Variants in CFAP90 observed in about 807,000 individuals in gnomAD.
CFAP90 encodes the protein cilia- and flagella-associated protein 90.
the CFAP90 span, among the ~76,000 whole-genome samples, chr5:7,833,751 G>C: frequency 3.3e-5 from 5 of 152,198 alleles, no homozygotes; most frequent in Admixed American, 2.6e-4. Flanking sequence ...CGGTAGTCCC[G>C]TAAGGTTATA....
At chr5:7,840,232 G>T in the CFAP90 span, among the ~76,000 whole-genome samples, 1 of 152,270 alleles carries the variant, frequency 6.6e-6, no homozygotes, top group East Asian at 1.9e-4. Flanking sequence ...CCTGGTCATG[G>T]TGCTTGATCA....
chr5:7,831,693 C>G, the CFAP90 span: 35 of 658,806 alleles, frequency 5.3e-5, no homozygotes, highest in East Asian at 9.2e-4. Flanking sequence ...GGGCTGCTAA[C>G]GTGTTCATGT....
At chr5:7,842,521 G>A in the CFAP90 span, among the ~76,000 whole-genome samples, 1 of 151,718 alleles carries the variant, frequency 6.6e-6, no homozygotes, top group African/African-American at 2.4e-5. Flanking sequence ...AAACTCTCAG[G>A]CAGTCCTCCA....
the CFAP90 span, among the ~76,000 whole-genome samples, chr5:7,833,287 A>C: frequency 6.6e-6 from 1 of 152,174 alleles, no homozygotes; most frequent in Non-Finnish European, 1.5e-5. Context: ...GCACACACAC[A>C]TGCATGTACA....
chr5:7,846,926 G>A, the CFAP90 span, among the ~76,000 whole-genome samples: 1 of 152,104 alleles, frequency 6.6e-6, no homozygotes, highest in African/African-American at 2.4e-5. Flanking sequence ...TGTATTTTAA[G>A]TATAGATGGG....
At chr5:7,839,878 C>G in the CFAP90 span, among the ~76,000 whole-genome samples, 2 of 152,198 alleles carry the variant, frequency 1.3e-5, no homozygotes, top group Non-Finnish European at 1.5e-5. Context: ...CATCAGCAGG[C>G]AGGCAGCCTC....
the CFAP90 span, among the ~76,000 whole-genome samples, chr5:7,834,289 C>G: frequency 2.6e-5 from 4 of 151,596 alleles, no homozygotes; most frequent in African/African-American, 9.7e-5. Flanking sequence ...TAGTTTTTAA[C>G]CAAAAACTTT....
the CFAP90 span, chr5:7,850,739 G>A: frequency 1.9e-6 from 1 of 539,182 alleles, no homozygotes; most frequent in Non-Finnish European, 2.3e-6. Context: ...AGACCCTTCC[G>A]CTGGGGTGAT....
chr5:7,838,229 A>T, the CFAP90 span, among the ~76,000 whole-genome samples: 3 of 152,248 alleles, frequency 2.0e-5, no homozygotes, highest in African/African-American at 7.2e-5. Flanking sequence ...ACCCATTAGA[A>T]AACTCGTACA....
the CFAP90 span, among the ~76,000 whole-genome samples, chr5:7,849,050 C>T: frequency 6.6e-6 from 1 of 152,200 alleles, no homozygotes; most frequent in African/African-American, 2.4e-5. Context: ...ACCAGTCATA[C>T]TGGAATAGGG....
chr5:7,848,063 T>C, the CFAP90 span, among the ~76,000 whole-genome samples: 1 of 152,240 alleles, frequency 6.6e-6, no homozygotes, highest in South Asian at 2.1e-4. Context: ...ATTACTGCTA[T>C]GCATTAATCA....
chr5:7,833,145 A>G, the CFAP90 span, among the ~76,000 whole-genome samples: 6 of 152,330 alleles, frequency 3.9e-5, no homozygotes, highest in East Asian at 7.7e-4. Context: ...ACACAATGAC[A>G]TGACTGAATA....
the CFAP90 span, among the ~76,000 whole-genome samples, chr5:7,836,352 T>G: frequency 1.3e-5 from 2 of 152,204 alleles, no homozygotes; most frequent in Non-Finnish European, 2.9e-5. Context: ...GGAGTCATCC[T>G]TTAAGTCGCT....
chr5:7,850,407 G>A, the CFAP90 span, among the ~76,000 whole-genome samples: 8 of 151,166 alleles, frequency 5.3e-5, no homozygotes, highest in African/African-American at 7.3e-5. Flanking sequence ...CCTCTACTCT[G>A]TGAGCTCTGT....
chr5:7,833,116 C>G, the CFAP90 span, among the ~76,000 whole-genome samples: 122 of 152,260 alleles, frequency 8.0e-4, no homozygotes, highest in African/African-American at 2.9e-3. Context: ...AAGAACCAAA[C>G]AACAATATCA....
the CFAP90 span, among the ~76,000 whole-genome samples, chr5:7,838,732 C>T: frequency 5.3e-5 from 8 of 152,308 alleles, no homozygotes; most frequent in South Asian, 8.3e-4. Flanking sequence ...CTGTTCCATG[C>T]GTTTTGGGGA....
At chr5:7,838,241 A>G in the CFAP90 span, among the ~76,000 whole-genome samples, 231 of 152,370 alleles carry the variant, frequency 1.5e-3, 1 homozygote, top group African/African-American at 5.4e-3. Flanking sequence ...ACTCGTACAC[A>G]TGAAAACAAT....
the CFAP90 span, chr5:7,850,799 GCCGCCCAGCCGCC>G: frequency 0.01 from 2,664 of 265,576 alleles, 12 homozygotes; most frequent in Non-Finnish European, 0.011. Context: ...CAGCCGCCCA[GCCGCCCAGCCGCC>G]CAGCCGCCCA....
chr5:7,835,327 C>A, the CFAP90 span: 1 of 949,486 alleles, frequency 1.1e-6, no homozygotes, highest in Non-Finnish European at 1.6e-6. Context: ...AGATATGCCT[C>A]TATAAAGTTT....
Sources: gnomAD v4.1 joint callset for allele counts (sites outside exome capture counted in the v4.1 genomes callset) on GRCh38, gnomAD v4.1.1 for gene constraint, MANE v1.5 for transcripts, NCBI Gene and HGNC (gene_info 2026-07-23, HGNC 2026-07-21) for gene names.